The following IMMP2L variants were observed in gnomAD, a reference collection of about 807,000 sequenced individuals.
The protein encoded by IMMP2L is inner mitochondrial membrane peptidase subunit 2, also known as mitochondrial inner membrane protease subunit 2.
A neutral mutation model predicts 19.3 loss-of-function variants in IMMP2L; 18 were observed. The ratio of observed to expected loss-of-function variants is 0.93; its 90% CI spans 0.64 to 1.38. The LOEUF (loss-of-function observed/expected upper bound fraction) is 1.38, where lower values mean the gene tolerates loss of function less well. Among genes scored for constraint, IMMP2L ranks in the 40% most tolerant of loss-of-function variants. The probability of loss-of-function intolerance (pLI) is 0.00; values close to 1 mark genes in which losing one functional copy is unlikely to be tolerated. For missense variants in IMMP2L, 233 were observed against 218.2 expected (o/e 1.07, Z -0.43); for synonymous variants, 76 against 73.0 (o/e 1.04, Z -0.21).
intron 5 of IMMP2L, among the ~76,000 whole-genome samples, chr7:110,736,163 A>C (rs35965326): frequency 0.33 from 50,241 of 151,980 alleles, 10,087 homozygotes; most frequent in East Asian, 0.69. Context: ...AGGCATGCAG[A>C]GTACAAGAGC....
Position 111,081,936 on chromosome 7 carries a change from A to C in IMMP2L, c.240-118371T>G, listed in dbSNP as rs528350484. 1.6e-4 allele frequency among the ~76,000 whole-genome samples: 24 copies of C among 152,338 alleles called. No homozygotes were observed. The South Asian group carries it at 4.8e-3, about 30-fold the overall frequency. Reference sequence around the variant, plus strand: ...AGAAAGAATGATTGCCTGATATTTTAAGTAGGAGCTGCTTTCTTTGCTGTA... The same window carrying C: ...AGAAAGAATGATTGCCTGATATTTTCAGTAGGAGCTGCTTTCTTTGCTGTA... On this transcript the variant is annotated intron_variant, in intron 3 of 5. Transcript: ENST00000405709.
intron 3 of IMMP2L, among the ~76,000 whole-genome samples, chr7:111,418,350 A>G (rs899633630): frequency 1.3e-5 from 2 of 151,810 alleles, no homozygotes; most frequent in African/African-American, 4.9e-5. Context: ...ATTAAAATAT[A>G]TATTCACTAA....
At position 111,490,684 on chromosome 7, in the gene IMMP2L, T is replaced by A. The variant is rs555825784; in HGVS notation, c.136-3343A>T. On this transcript the variant is annotated intron_variant, in intron 2 of 5. Transcript: ENST00000405709. ...ATTCCATTTCTTTCTAGTTATATGA[T>A]CTTCAGCAAGTTACTTAACTTCATT... 3.3e-5 allele frequency among the ~76,000 whole-genome samples: 5 copies of A among 152,256 alleles called. No individual in the cohort carries two copies. The East Asian group carries it at 9.7e-4, about 29-fold the overall frequency.
intron 3 of IMMP2L, among the ~76,000 whole-genome samples, chr7:111,110,050 G>T (rs1481626498): frequency 6.6e-6 from 1 of 152,120 alleles, no homozygotes; most frequent in African/African-American, 2.4e-5. Flanking sequence ...CAGGAGAATC[G>T]CTTGAACCCA....
intron 3 of IMMP2L, among the ~76,000 whole-genome samples, chr7:111,329,088 ACAATCATGTTATT>A: frequency 6.6e-6 from 1 of 152,016 alleles, no homozygotes; most frequent in African/African-American, 2.4e-5. Context: ...GCTTTCATGT[ACAATCATGTTATT>A]CAGTATTCAA....
intron 3 of IMMP2L, among the ~76,000 whole-genome samples, chr7:111,342,738 C>T (rs1393813485): frequency 1.3e-5 from 2 of 151,970 alleles, no homozygotes; most frequent in Non-Finnish European, 2.9e-5. Flanking sequence ...ATTCAACGAG[C>T]ATTGTCTAGA....
At chr7:111,242,336 C>T (rs1815181638) in intron 3 of IMMP2L, among the ~76,000 whole-genome samples, 1 of 152,034 alleles carries the variant, frequency 6.6e-6, no homozygotes, top group South Asian at 2.1e-4. Flanking sequence ...TATGACAAAG[C>T]ACTCCTAACT....
chr7:110,937,074 G>C (rs1396821572), intron 4 of IMMP2L, among the ~76,000 whole-genome samples: 4 of 152,122 alleles, frequency 2.6e-5, no homozygotes, highest in Non-Finnish European at 5.9e-5. Context: ...GCTAGCGGGG[G>C]TTAGCATTAG....
chr7:111,522,926 C>CATATATATATATATATATAT (rs148789480), intron 1 of IMMP2L, among the ~76,000 whole-genome samples: 4,079 of 134,744 alleles, frequency 0.03, 234 homozygotes, highest in African/African-American at 0.064. Context: ...ATGTGAGATA[C>CATATATATATATATATATAT]ATATATATAT....
At chr7:110,706,290 G>C (rs540077345) in intron 5 of IMMP2L, among the ~76,000 whole-genome samples, 1 of 152,184 alleles carries the variant, frequency 6.6e-6, no homozygotes, top group African/African-American at 2.4e-5. Context: ...ATGTTGTAGA[G>C]ATGAGGTCTA....
chr7:111,020,440 C>T (rs913632506), intron 3 of IMMP2L, among the ~76,000 whole-genome samples: 2 of 151,864 alleles, frequency 1.3e-5, no homozygotes, highest in East Asian at 3.9e-4. Flanking sequence ...AGGGAACTTA[C>T]GTTCTACTAT....
intron 4 of IMMP2L, among the ~76,000 whole-genome samples, chr7:110,960,322 C>T (rs1219822404): frequency 2.0e-5 from 3 of 151,856 alleles, no homozygotes; most frequent in Non-Finnish European, 4.4e-5. Flanking sequence ...CATACTCCCC[C>T]AACACAACAA....
chr7:111,168,281 GT>G (rs541790211), intron 3 of IMMP2L, among the ~76,000 whole-genome samples: 38 of 147,614 alleles, frequency 2.6e-4, no homozygotes, highest in African/African-American at 8.7e-4. Flanking sequence ...TTTAAGTTCT[GT>G]TTTTTTTTTC....
intron 2 of IMMP2L, among the ~76,000 whole-genome samples, chr7:111,517,333 G>T (rs1164267568): frequency 6.6e-6 from 1 of 151,632 alleles, no homozygotes; most frequent in Non-Finnish European, 1.5e-5. Context: ...TTATCTCTAA[G>T]GTCTGACCTA....
chr7:110,688,525 G>A (rs958582374), intron 5 of IMMP2L, among the ~76,000 whole-genome samples: 17 of 151,622 alleles, frequency 1.1e-4, no homozygotes, highest in African/African-American at 4.1e-4. Flanking sequence ...TCCAAGTCAA[G>A]CCTCCACCAC....
At chr7:111,442,295 C>T (rs955251475) in intron 3 of IMMP2L, among the ~76,000 whole-genome samples, 1 of 151,836 alleles carries the variant, frequency 6.6e-6, no homozygotes, top group South Asian at 2.1e-4. Flanking sequence ...TGTAACTACA[C>T]TAAGTATAGT....
At chr7:111,464,682 GACCTAC>G (rs1334115693) in intron 3 of IMMP2L, among the ~76,000 whole-genome samples, 4 of 151,988 alleles carry the variant, frequency 2.6e-5, no homozygotes, top group Admixed American at 6.6e-5. Flanking sequence ...TTTTTCCCTT[GACCTAC>G]ACATTAAGTC....
At chr7:110,841,887 T>C (rs567938426) in intron 5 of IMMP2L, among the ~76,000 whole-genome samples, 14 of 152,130 alleles carry the variant, frequency 9.2e-5, no homozygotes, top group Non-Finnish European at 1.9e-4. Context: ...AGTTTCAAAA[T>C]ATACAAACAT....
intron 3 of IMMP2L, among the ~76,000 whole-genome samples, chr7:110,975,652 T>C (rs1820612302): frequency 1.3e-5 from 2 of 152,090 alleles, no homozygotes; most frequent in African/African-American, 2.4e-5. Flanking sequence ...TGAAGTAACA[T>C]AATGACCTAG....
Sources: allele counts gnomAD v4.1 joint callset (sites outside exome capture counted in the v4.1 genomes callset), GRCh38; gene constraint gnomAD v4.1.1; transcripts MANE v1.5; gene names NCBI Gene and HGNC (gene_info 2026-07-23, HGNC 2026-07-21).